Variants in NEAT1 observed in about 807,000 individuals in gnomAD.
The protein encoded by NEAT1 is MENepsilon/beta.
chr11:65,442,507 C>T (rs1266906044), exon 1 of NEAT1: 2 of 152,266 alleles, frequency 1.3e-5, no homozygotes, highest in African/African-American at 4.8e-5. Flanking sequence ...GGGACAGGGC[C>T]AACTTCCAGG....
exon 1 of NEAT1, chr11:65,443,545 G>C (rs1271515380): frequency 6.6e-6 from 1 of 152,224 alleles, no homozygotes. Context: ...TAATCCACCT[G>C]TTGTGGTTGG....
chr11:65,441,580 GTA>G (rs1406487991), exon 1 of NEAT1: 1 of 152,094 alleles, frequency 6.6e-6, no homozygotes, highest in African/African-American at 2.4e-5. Context: ...ATGTATTAGT[GTA>G]GAGTAGCATT....
At chr11:65,423,022 C>CCACGCTCCA in exon 1 of NEAT1, 1 of 152,372 alleles carries the variant, frequency 6.6e-6, no homozygotes, top group African/African-American at 2.4e-5. Flanking sequence ...GGCAGAACAG[C>CCACGCTCCA]CACGCTCCAG....
At chr11:65,423,179 A>T (rs1856517260) in exon 1 of NEAT1, 1 of 153,574 alleles carries the variant, frequency 6.5e-6, no homozygotes, top group Non-Finnish European at 1.4e-5. Flanking sequence ...GTCAGGAGGA[A>T]TAGGCCGCAG....
exon 1 of NEAT1, chr11:65,425,898 C>A (rs918238172): frequency 5.3e-5 from 8 of 151,942 alleles, no homozygotes; most frequent in African/African-American, 1.9e-4. Flanking sequence ...AATCCATGTA[C>A]CTTTGCTAAG....
exon 1 of NEAT1, chr11:65,435,785 C>T (rs570899129): frequency 3.9e-5 from 6 of 152,322 alleles, no homozygotes; most frequent in Admixed American, 1.3e-4. Flanking sequence ...ATACCGGAAT[C>T]GAGTATAACA....
chr11:65,423,492 C>T (rs1210990764), exon 1 of NEAT1: 1 of 152,218 alleles, frequency 6.6e-6, no homozygotes, highest in Non-Finnish European at 1.5e-5. Flanking sequence ...GAGGGGTGGT[C>T]TGAGGAGTGA....
At chr11:65,433,905 T>C (rs903223035) in exon 1 of NEAT1, 1 of 152,042 alleles carries the variant, frequency 6.6e-6, no homozygotes, top group Non-Finnish European at 1.5e-5. Context: ...AAGGTAATAA[T>C]CATCCTGAAT....
At chr11:65,439,180 TC>T (rs1438128591) in exon 1 of NEAT1, 19 of 152,212 alleles carry the variant, frequency 1.2e-4, no homozygotes, top group African/African-American at 4.1e-4. Context: ...ATGTGTATGT[TC>T]CCTGGAGAAG....
exon 1 of NEAT1, chr11:65,440,186 T>A (rs1856700908): frequency 6.6e-6 from 1 of 152,156 alleles, no homozygotes; most frequent in South Asian, 2.1e-4. Context: ...ATCAGGTTTT[T>A]TTTTTTCCTT....
At chr11:65,438,470 A>G (rs1856685172) in exon 1 of NEAT1, 1 of 152,118 alleles carries the variant, frequency 6.6e-6, no homozygotes, top group Admixed American at 6.5e-5. Context: ...GACACTATCC[A>G]TTTCTAGAAC....
chr11:65,433,672 GGTCT>G (rs1175611587), exon 1 of NEAT1: 4 of 151,322 alleles, frequency 2.6e-5, no homozygotes, highest in Non-Finnish European at 5.9e-5. Flanking sequence ...TTTTGTTCCA[GGTCT>G]GTCAATATTA....
exon 1 of NEAT1, chr11:65,444,909 G>A (rs1565638903): frequency 4.7e-6 from 1 of 213,492 alleles, no homozygotes; most frequent in Non-Finnish European, 9.6e-6. Context: ...TCAGGTGCTT[G>A]GGGCCCAGCA....
exon 1 of NEAT1, chr11:65,425,752 C>T (rs1262719780): frequency 2.0e-5 from 3 of 151,962 alleles, no homozygotes. Context: ...CTTAGAAACA[C>T]ATCTGTTGTC....
chr11:65,434,750 A>C (rs1856643871), exon 1 of NEAT1: 1 of 152,082 alleles, frequency 6.6e-6, no homozygotes, highest in Admixed American at 6.5e-5. Flanking sequence ...TGCCCTCCAG[A>C]GTGGGTGTCC....
At chr11:65,423,351 G>C (rs1856520544) in exon 1 of NEAT1, 3 of 152,422 alleles carry the variant, frequency 2.0e-5, no homozygotes, top group East Asian at 1.9e-4. Context: ...ACTGAACTTA[G>C]CTCGACGGGG....
At chr11:65,444,346 T>TG (rs1856744917) in exon 1 of NEAT1, 4 of 425,022 alleles carry the variant, frequency 9.4e-6, no homozygotes, top group Non-Finnish European at 1.9e-5. Flanking sequence ...TGTGGAGAAA[T>TG]GGGGGGCTGA....
At chr11:65,438,606 T>C (rs1295972585) in exon 1 of NEAT1, 1 of 152,242 alleles carries the variant, frequency 6.6e-6, no homozygotes, top group Non-Finnish European at 1.5e-5. Flanking sequence ...TCTGTGTGAA[T>C]TTGCCTATTC....
At chr11:65,434,754 G>A (rs895903046) in exon 1 of NEAT1, 1 of 151,896 alleles carries the variant, frequency 6.6e-6, no homozygotes, top group African/African-American at 2.4e-5. Context: ...CTCCAGAGTG[G>A]GTGTCCAGCT....
Sources: allele counts gnomAD v4.1 joint callset, GRCh38; gene constraint gnomAD v4.1.1; transcripts MANE v1.5; gene names NCBI Gene and HGNC (gene_info 2026-07-23, HGNC 2026-07-21).